TMEM132C: variants seen among roughly 807,000 people sequenced by gnomAD.
The protein encoded by TMEM132C is protein phosphatase 1, regulatory subunit 152.
TMEM132C carries 29 observed loss-of-function variants against 61.4 expected under a neutral mutation model. That is an observed-to-expected ratio of 0.47 (90% CI 0.35 to 0.64). The LOEUF (loss-of-function observed/expected upper bound fraction) is 0.64, where lower values mean the gene tolerates loss of function less well. Among genes scored for constraint, TMEM132C ranks in the 30% least tolerant of loss-of-function variants. The pLI, the probability that TMEM132C is intolerant of heterozygous loss-of-function variation, is 0.00. For missense variants in TMEM132C, 1,408 were observed against 1,476.9 expected (o/e 0.95, Z 0.76); for synonymous variants, 656 against 633.1 (o/e 1.04, Z -0.54).
intron 2 of TMEM132C, among the ~76,000 whole-genome samples, chr12:128,478,007 C>T (rs61940039): frequency 6.6e-6 from 1 of 152,214 alleles, no homozygotes; most frequent in Non-Finnish European, 1.5e-5. Context: ...AAGACAAAGG[C>T]ATTTTCTCAC....
chr12:128,575,213 GT>G (rs1297831315), intron 3 of TMEM132C, among the ~76,000 whole-genome samples: 2 of 152,228 alleles, frequency 1.3e-5, no homozygotes, highest in Non-Finnish European at 2.9e-5. Flanking sequence ...GACATGGTGA[GT>G]CATGCCTATA....
intron 1 of TMEM132C, among the ~76,000 whole-genome samples, chr12:128,277,000 G>T (rs1870715998): frequency 6.6e-6 from 1 of 151,952 alleles, no homozygotes; most frequent in African/African-American, 2.4e-5. Flanking sequence ...AAAAGAAAAA[G>T]CTCTTACTTA....
At chr12:128,538,025 G>A (rs1024476763) in intron 2 of TMEM132C, among the ~76,000 whole-genome samples, 2 of 151,906 alleles carry the variant, frequency 1.3e-5, no homozygotes, top group Non-Finnish European at 2.9e-5. Flanking sequence ...GCTCCTCCTG[G>A]CCTCAAGTGA....
intron 4 of TMEM132C, among the ~76,000 whole-genome samples, chr12:128,627,835 C>T (rs1331023216): frequency 6.6e-6 from 1 of 152,204 alleles, no homozygotes; most frequent in East Asian, 1.9e-4. Flanking sequence ...GGGTCCTGGT[C>T]AGTGCCATGA....
intron 4 of TMEM132C, among the ~76,000 whole-genome samples, chr12:128,617,293 A>G (rs1876838016): frequency 6.6e-6 from 1 of 152,162 alleles, no homozygotes; most frequent in Non-Finnish European, 1.5e-5. Context: ...TTTGTTAGTC[A>G]CAAGGTGGCC....
At chr12:128,370,587 G>T (rs1873999498) in intron 1 of TMEM132C, among the ~76,000 whole-genome samples, 2 of 151,774 alleles carry the variant, frequency 1.3e-5, no homozygotes, top group South Asian at 4.2e-4. Flanking sequence ...GAGGGAAGTG[G>T]CCACCACCAG....
intron 4 of TMEM132C, among the ~76,000 whole-genome samples, chr12:128,643,444 C>G (rs965028882): frequency 9.9e-5 from 15 of 152,034 alleles, no homozygotes; most frequent in Admixed American, 9.8e-4. Context: ...GAGGAGGTAA[C>G]GAAACCTCGG....
intron 1 of TMEM132C, among the ~76,000 whole-genome samples, chr12:128,319,699 A>T (rs1466941296): frequency 6.6e-6 from 1 of 151,864 alleles, no homozygotes; most frequent in East Asian, 1.9e-4. Context: ...GGTGGTGGGT[A>T]CCTGTAGTCC....
chr12:128,307,469 C>T (rs1329892747), intron 1 of TMEM132C, among the ~76,000 whole-genome samples: 2 of 151,702 alleles, frequency 1.3e-5, no homozygotes, highest in African/African-American at 4.8e-5. Context: ...TATTAAGGAC[C>T]CGTATTTTAA....
At chr12:128,364,285 CT>C (rs374320963) in intron 1 of TMEM132C, among the ~76,000 whole-genome samples, 126 of 149,346 alleles carry the variant, frequency 8.4e-4, no homozygotes, top group Non-Finnish European at 1.4e-3. Flanking sequence ...CTCTCTCCCC[CT>C]ATCTTTCTCT....
chr12:128,439,873 C>A lies in TMEM132C; in HGVS notation c.974+24253C>A, dbSNP rs370381326. ...AGAATGAGTGATTCTGATAGTGCTC[C>A]CAGCAGTCTGTGAGCCTCCTTCGAG... On this transcript the variant is annotated intron_variant, in intron 2 of 8. Transcript: ENST00000435159. 3.9e-5 allele frequency among the ~76,000 whole-genome samples: 6 copies of A among 152,204 alleles called. No individual in the cohort carries two copies. In the East Asian group the frequency reaches 7.8e-4, roughly 20 times the overall value.
intron 4 of TMEM132C, among the ~76,000 whole-genome samples, chr12:128,661,434 C>T (rs57951056): frequency 0.014 from 2,139 of 152,226 alleles, 48 homozygotes; most frequent in African/African-American, 0.048. Context: ...CAGGGAAGGA[C>T]GGCCTCACAC....
intron 2 of TMEM132C, among the ~76,000 whole-genome samples, chr12:128,465,143 C>T (rs1255660293): frequency 6.6e-6 from 1 of 152,044 alleles, no homozygotes; most frequent in Non-Finnish European, 1.5e-5. Flanking sequence ...TCTTTAAACC[C>T]CTGGTGAGGA....
chr12:128,609,854 C>T (rs1876570085), intron 3 of TMEM132C, among the ~76,000 whole-genome samples: 1 of 152,204 alleles, frequency 6.6e-6, no homozygotes, highest in Non-Finnish European at 1.5e-5. Context: ...AAAGTTTTGA[C>T]AGCACTGTCC....
intron 5 of TMEM132C, among the ~76,000 whole-genome samples, chr12:128,682,696 AGTG>A (rs1387791559): frequency 6.6e-6 from 1 of 152,208 alleles, no homozygotes; most frequent in South Asian, 2.1e-4. Flanking sequence ...CCCAGGTGGG[AGTG>A]GTGTGCACAC....
intron 2 of TMEM132C, among the ~76,000 whole-genome samples, chr12:128,430,057 C>T (rs1394636863): frequency 2.0e-5 from 3 of 152,116 alleles, no homozygotes; most frequent in African/African-American, 4.8e-5. Flanking sequence ...GGGGGCAGCT[C>T]GGCCTCCTTC....
intron 1 of TMEM132C, among the ~76,000 whole-genome samples, chr12:128,399,020 T>C (rs576052726): frequency 6.6e-6 from 1 of 152,336 alleles, no homozygotes; most frequent in Admixed American, 6.5e-5. Context: ...GGTGTATTCT[T>C]TTCTCTTTTT....
At chr12:128,668,001 G>A (rs185545138) in intron 4 of TMEM132C, among the ~76,000 whole-genome samples, 43 of 152,322 alleles carry the variant, frequency 2.8e-4, no homozygotes, top group African/African-American at 8.9e-4. Context: ...TGCCAAGCAC[G>A]GTGGCCCATG....
At chr12:128,646,725 C>T (rs1182199947) in intron 4 of TMEM132C, among the ~76,000 whole-genome samples, 13 of 150,568 alleles carry the variant, frequency 8.6e-5, no homozygotes, top group South Asian at 6.3e-4. Context: ...AGTCCATCAG[C>T]GTTGGATTAG....
Sources: allele counts gnomAD v4.1 joint callset (sites outside exome capture counted in the v4.1 genomes callset), GRCh38; gene constraint gnomAD v4.1.1; transcripts MANE v1.5; gene names NCBI Gene and HGNC (gene_info 2026-07-23, HGNC 2026-07-21).